The following SMAD3 variants were observed in gnomAD, a reference collection of about 807,000 sequenced individuals.
SMAD3 encodes the protein SMAD family member 3.
A neutral mutation model predicts 51.8 loss-of-function variants in SMAD3; 12 were observed. The ratio of observed to expected loss-of-function variants is 0.23; its 90% CI spans 0.15 to 0.38. SMAD3 has a LOEUF of 0.38. SMAD3 is among the 10% of genes least tolerant of loss of function. The pLI is 1.00. For missense variants in SMAD3, 294 were observed against 565.6 expected, an observed-to-expected ratio of 0.52 and a Z score of 4.87; for synonymous variants, 238 against 227.7, an observed-to-expected ratio of 1.05 and a Z score of -0.41.
intron 1 of SMAD3, among the ~76,000 whole-genome samples, chr15:67,158,394 C>G (rs970231561): frequency 6.6e-6 from 1 of 152,196 alleles, no homozygotes; most frequent in Non-Finnish European, 1.5e-5. Context: ...GTTGCTGATG[C>G]GTAAGAAGTG....
chr15:67,074,881 G>A (rs138467592), intron 1 of SMAD3, among the ~76,000 whole-genome samples: 38 of 152,232 alleles, frequency 2.5e-4, no homozygotes, highest in African/African-American at 7.5e-4. Context: ...GTAGAGATGG[G>A]GTAGGACTCC....
At chr15:67,156,571 G>A (rs973675456) in intron 1 of SMAD3, among the ~76,000 whole-genome samples, 2 of 152,210 alleles carry the variant, frequency 1.3e-5, no homozygotes, top group Non-Finnish European at 2.9e-5. Flanking sequence ...ATCCATGTAT[G>A]GAGATAATGA....
chr15:67,168,395 A>G (rs1962649969), intron 4 of SMAD3, among the ~76,000 whole-genome samples: 1 of 152,230 alleles, frequency 6.6e-6, no homozygotes, highest in Admixed American at 6.5e-5. Context: ...ACCAGCTGGA[A>G]TGCATCGAAG....
At chr15:67,177,237 G>T (rs992309207) in intron 5 of SMAD3, among the ~76,000 whole-genome samples, 2 of 152,076 alleles carry the variant, frequency 1.3e-5, no homozygotes, top group Non-Finnish European at 2.9e-5. Context: ...ACCATGTCAT[G>T]TTCCCTTTTT....
At chr15:67,121,047 C>T (rs1039435843) in intron 1 of SMAD3, among the ~76,000 whole-genome samples, 3 of 152,144 alleles carry the variant, frequency 2.0e-5, no homozygotes, top group African/African-American at 7.2e-5. Context: ...CTTTGTCTTG[C>T]ATGTTTTCAG....
intron 1 of SMAD3, among the ~76,000 whole-genome samples, chr15:67,068,983 A>G (rs1420207903): frequency 6.6e-6 from 1 of 152,176 alleles, no homozygotes; most frequent in African/African-American, 2.4e-5. Context: ...GGGGTTGGTC[A>G]CTGGGTGCTT....
rs992562365 is a variant in SMAD3 at position 67,191,961 on chromosome 15, T to C, written c.*1425T>C. 2 of 229,210 alleles carry C rather than the reference T, an allele frequency of 8.7e-6. No homozygotes were observed. The highest frequency in any genetic ancestry group is 4.4e-5 in the African/African-American group (2 of 45,098). The allele number at this position is 229,210 out of a possible 1,614,324, so 14.2% of individuals were successfully genotyped here. On this transcript the variant is annotated 3_prime_UTR_variant, in exon 9 of 9. Transcript: ENST00000327367. ...TGGAAAAAAGAAAAAAGAGTCCTCT[T>C]CTTTTCCCAGCCTTTTGCAGAACAC...
intron 3 of SMAD3, chr15:67,166,171 C>A: frequency 9.9e-7 from 1 of 1,013,792 alleles, no homozygotes. Flanking sequence ...AGATCCTTTG[C>A]GGGTAGCCCT....
At chr15:67,123,471 C>T (rs1227183630) in intron 1 of SMAD3, among the ~76,000 whole-genome samples, 1 of 152,178 alleles carries the variant, frequency 6.6e-6, no homozygotes, top group African/African-American at 2.4e-5. Context: ...CGCACTCCAG[C>T]TTGGGCAACA....
intron 1 of SMAD3, among the ~76,000 whole-genome samples, chr15:67,135,298 A>G (rs1961630557): frequency 6.6e-6 from 1 of 152,222 alleles, no homozygotes; most frequent in South Asian, 2.1e-4. Flanking sequence ...GCCTGTACCA[A>G]AAATCCAGGG....
At chr15:67,173,944 G>A (rs115995033) in intron 5 of SMAD3, among the ~76,000 whole-genome samples, 233 of 152,328 alleles carry the variant, frequency 1.5e-3, no homozygotes, top group African/African-American at 5.3e-3. Context: ...ATGGGTTGGG[G>A]GTGAAAGATG....
rs1280239078 is a variant in SMAD3 at position 67,171,055 on chromosome 15, C to T, written c.658+451C>T. ...ATTTTTCTTAAAATAGCAACATATACGGAATTTGAAAATAAAGTCAAAGTG... is the reference window on the plus strand; with the variant it reads ...ATTTTTCTTAAAATAGCAACATATATGGAATTTGAAAATAAAGTCAAAGTG... On this transcript the variant is annotated intron_variant, in intron 5 of 8. Coordinates refer to ENST00000327367, the MANE Select transcript of SMAD3 (RefSeq NM_005902.4). Among the ~76,000 whole-genome samples, 15 of 152,118 alleles carry T rather than the reference C, an allele frequency of 9.9e-5. No homozygotes were observed. In the East Asian group the frequency reaches 1.7e-3, roughly 18 times the overall value.
chr15:67,120,644 G>A (rs1961237604), intron 1 of SMAD3, among the ~76,000 whole-genome samples: 1 of 152,172 alleles, frequency 6.6e-6, no homozygotes, highest in Admixed American at 6.5e-5. Flanking sequence ...GGAGAGTGTG[G>A]GAATCTCACC....
At chr15:67,090,074 G>C (rs990730394) in intron 1 of SMAD3, among the ~76,000 whole-genome samples, 6 of 152,202 alleles carry the variant, frequency 3.9e-5, no homozygotes, top group Admixed American at 1.3e-4. Context: ...ACGAGGGGGA[G>C]GCACACCCAG....
At position 67,187,186 on chromosome 15, in the gene SMAD3, G is replaced by A; in HGVS notation, c.1010-179G>A. On this transcript the variant is annotated intron_variant, in intron 7 of 8. Coordinates refer to ENST00000327367, the MANE Select transcript of SMAD3 (RefSeq NM_005902.4). Reference sequence around the variant, plus strand: ...TGGGTTCAAGGGGAGGGACTGGGTTGGCCTTCCCTTTGCATGGTACTGAGT... The same window carrying A: ...TGGGTTCAAGGGGAGGGACTGGGTTAGCCTTCCCTTTGCATGGTACTGAGT... 4.0e-6 allele frequency: 3 copies of A among 742,570 alleles called. No homozygotes were observed. The East Asian group carries it at 8.0e-5, about 20-fold the overall frequency. 46.0% of individuals were successfully genotyped at this position (742,570 alleles called of 1,614,324 possible).
At chr15:67,103,832 CTCTT>C (rs1432282887) in intron 1 of SMAD3, among the ~76,000 whole-genome samples, 2 of 152,206 alleles carry the variant, frequency 1.3e-5, no homozygotes, top group Non-Finnish European at 2.9e-5. Context: ...CACCCTGGAC[CTCTT>C]TCTTTGTGCC....
chr15:67,076,245 C>G (rs1047108157), intron 1 of SMAD3, among the ~76,000 whole-genome samples: 1 of 152,134 alleles, frequency 6.6e-6, no homozygotes, highest in African/African-American at 2.4e-5. Context: ...GTTCTGCCCT[C>G]CCCCATCACC....
At chr15:67,170,067 C>T (rs961100863) in intron 4 of SMAD3, among the ~76,000 whole-genome samples, 3 of 152,156 alleles carry the variant, frequency 2.0e-5, no homozygotes, top group South Asian at 2.1e-4. Context: ...TGACCAAGGT[C>T]GGTGGCTGGT....
intron 1 of SMAD3, among the ~76,000 whole-genome samples, chr15:67,127,068 C>T (rs1961407764): frequency 6.6e-6 from 1 of 152,154 alleles, no homozygotes; most frequent in Admixed American, 6.5e-5. Context: ...ATTTAGCTCT[C>T]AGACAGACAA....
Sources: gnomAD v4.1 joint callset for allele counts (sites outside exome capture counted in the v4.1 genomes callset) on GRCh38, gnomAD v4.1.1 for gene constraint, MANE v1.5 for transcripts, NCBI Gene and HGNC (gene_info 2026-07-23, HGNC 2026-07-21) for gene names.